Variants in CNTN6 observed in about 807,000 individuals in gnomAD.
CNTN6 encodes contactin-6.
Under a neutral mutation model 122.8 loss-of-function variants are expected in CNTN6, and 137 were observed. The ratio of observed to expected loss-of-function variants is 1.12; its 90% CI spans 0.97 to 1.29. CNTN6 has a LOEUF of 1.29. Ranked by LOEUF, CNTN6 falls within the 50% of genes most tolerant of loss-of-function variation. The pLI is 0.00. For missense variants in CNTN6, 1,634 were observed against 1,223.4 expected (o/e 1.34, Z -5.01); for synonymous variants, 570 against 426.0 (o/e 1.34, Z -4.16).
At chr3:1,270,260 T>C (rs2095001424) in intron 4 of CNTN6, among the ~76,000 whole-genome samples, 1 of 152,086 alleles carries the variant, frequency 6.6e-6, no homozygotes. Flanking sequence ...ACAAAATCAC[T>C]CAAGAAATAG....
At chr3:1,264,848 C>T (rs909149986) in intron 4 of CNTN6, among the ~76,000 whole-genome samples, 3 of 152,046 alleles carry the variant, frequency 2.0e-5, no homozygotes, top group Admixed American at 1.3e-4. Context: ...GTTTGACTAA[C>T]ATTTCCCCAT....
chr3:1,337,963 G>A (rs1703309265), intron 11 of CNTN6, among the ~76,000 whole-genome samples: 1 of 152,018 alleles, frequency 6.6e-6, no homozygotes, highest in African/African-American at 2.4e-5. Flanking sequence ...CACAGTGCCT[G>A]CAGAACCACC....
chr3:1,204,802 T>C (rs1499095), intron 2 of CNTN6, among the ~76,000 whole-genome samples: 110,191 of 152,006 alleles, frequency 0.72, 41,605 homozygotes, highest in African/African-American at 0.93. Context: ...CATGTGTAAC[T>C]AATATAACTC....
chr3:1,281,981 T>TACACACAC (rs1371153437), intron 5 of CNTN6, among the ~76,000 whole-genome samples: 10 of 99,500 alleles, frequency 1.0e-4, no homozygotes, highest in African/African-American at 4.4e-4. Context: ...TATATATAGG[T>TACACACAC]ATACACACAC....
chr3:1,268,712 C>T (rs2094971108), intron 4 of CNTN6, among the ~76,000 whole-genome samples: 1 of 151,648 alleles, frequency 6.6e-6, no homozygotes, highest in Non-Finnish European at 1.5e-5. Context: ...CATTCATGAG[C>T]ATTTAAGCTG....
At chr3:1,199,473 C>G (rs779124443) in intron 2 of CNTN6, among the ~76,000 whole-genome samples, 13 of 152,086 alleles carry the variant, frequency 8.5e-5, no homozygotes, top group Non-Finnish European at 1.9e-4. Flanking sequence ...AGCCACCACA[C>G]CCAGCCAAAT....
At chr3:1,160,606 G>C (rs2093109138) in intron 2 of CNTN6, among the ~76,000 whole-genome samples, 1 of 149,430 alleles carries the variant, frequency 6.7e-6, no homozygotes, top group Non-Finnish European at 1.5e-5. Flanking sequence ...CTAAGCAAAT[G>C]ATTCTAGTAT....
In CNTN6 at chr3:1,383,142, G is replaced by C. The variant is rs1692189951; in HGVS notation, c.2367G>C (p.Leu789=). Residue 789 remains leucine, a synonymous_variant, in exon 18 of 23, where the codon CTG becomes CTC. Coordinates refer to ENST00000446702, the MANE Select transcript of CNTN6 (RefSeq NM_001289080.2). ...GVYNNEGEGS[L]STVTIVYSGE... is the part of the protein sequence containing the mutation. Reference sequence around the variant, plus strand: ...ATAATAATGAAGGAGAAGGATCCCTGAGTACTGTGACCATTGTCTACTCTG... The same window carrying C: ...ATAATAATGAAGGAGAAGGATCCCTCAGTACTGTGACCATTGTCTACTCTG... 5 of 1,613,984 alleles carry C rather than the reference G, an allele frequency of 3.1e-6. No homozygotes were observed. The highest frequency in any genetic ancestry group is 4.2e-6 in the Non-Finnish European group (5 of 1,179,894).
intron 11 of CNTN6, among the ~76,000 whole-genome samples, chr3:1,339,230 T>C (rs1043005699): frequency 1.3e-5 from 2 of 152,072 alleles, no homozygotes; most frequent in Non-Finnish European, 2.9e-5. Flanking sequence ...AGAACCCCAC[T>C]CAATGCCCTC....
rs143305552 is a variant in CNTN6, at chr3:1,357,138, T to C, written c.1492+4687T>C. Among the ~76,000 whole-genome samples the C allele has an allele frequency of 9.3e-3, 1,411 of 152,030 alleles. 15 individuals are homozygous for C. Among genetic ancestry groups the C allele is most frequent in the Non-Finnish European group, 0.014 (984 of 67,902 alleles). On this transcript the variant is annotated intron_variant, in intron 12 of 22. Coordinates refer to ENST00000446702, the MANE Select transcript of CNTN6 (RefSeq NM_001289080.2). ...GTAAAGGATAGATGTTAATACAGCA[T>C]AGGTTTTACCACTTTTTTCAAGATA...
At chr3:1,347,945 T>C (rs1296800730) in intron 11 of CNTN6, among the ~76,000 whole-genome samples, 1 of 151,790 alleles carries the variant, frequency 6.6e-6, no homozygotes, top group East Asian at 1.9e-4. Flanking sequence ...CAAAATGCAG[T>C]GTGATAAAAC....
At chr3:1,149,792 C>T (rs963602298) in intron 2 of CNTN6, among the ~76,000 whole-genome samples, 1 of 152,128 alleles carries the variant, frequency 6.6e-6, no homozygotes, top group Non-Finnish European at 1.5e-5. Flanking sequence ...GTTTCATCTT[C>T]CTGTCAAAAT....
intron 2 of CNTN6, among the ~76,000 whole-genome samples, chr3:1,199,517 G>A (rs1176874404): frequency 6.6e-6 from 1 of 151,888 alleles, no homozygotes; most frequent in Non-Finnish European, 1.5e-5. Flanking sequence ...TGCCAAAATT[G>A]GTTGCAGCAG....
intron 1 of CNTN6, among the ~76,000 whole-genome samples, chr3:1,096,637 C>T (rs548700871): frequency 6.6e-6 from 1 of 152,308 alleles, no homozygotes; most frequent in South Asian, 2.1e-4. Context: ...GCACAACCTT[C>T]TGTATTGTGA....
rs1438401552 is a variant in CNTN6, at chr3:1,383,329, G to C, written c.2438G>C (p.Ser813Thr). 1.9e-6 allele frequency: 3 copies of C among 1,614,042 alleles called. No individual in the cohort carries two copies. The highest frequency in any genetic ancestry group is 1.6e-4 in the Middle Eastern group (1 of 6,062). Reference sequence around the variant, plus strand: ...GCCCCAAGGGGAACTTCTCTCCAGAGTTTTTCTGCTTCTGAAATGGAGGTT... The same window carrying C: ...GCCCCAAGGGGAACTTCTCTCCAGACTTTTTCTGCTTCTGAAATGGAGGTT... ...QLAPRGTSLQ[S>T]FSASEMEVSW... Residue 813 changes from serine (S) to threonine (T), a missense_variant, in exon 19 of 23, where the codon AGT becomes ACT. Ser to Thr is a moderately conservative substitution (Grantham distance 58, BLOSUM62 1). Coordinates refer to ENST00000446702, the MANE Select transcript of CNTN6 (RefSeq NM_001289080.2).
In CNTN6 at chr3:1,344,331, T is replaced by C. The variant is rs577551275; in HGVS notation, c.1365-7993T>C. Among the ~76,000 whole-genome samples, 204 of 152,266 alleles carry C rather than the reference T, an allele frequency of 1.3e-3. 1 individual carries two copies. The highest frequency in any genetic ancestry group is 3.2e-3 in the Admixed American group (49 of 15,286). ...TAGCTTGACATCGTAGGTTGTCAGC[T>C]ACATAGGTTGCTTCCAGACAGGCTG... is the stretch of plus-strand genomic sequence containing the variant. On this transcript the variant is annotated intron_variant, in intron 11 of 22. Coordinates refer to ENST00000446702, the MANE Select transcript of CNTN6 (RefSeq NM_001289080.2).
chr3:1,222,180 A>C (rs1298901248), intron 3 of CNTN6, among the ~76,000 whole-genome samples: 2 of 152,154 alleles, frequency 1.3e-5, no homozygotes, highest in Non-Finnish European at 2.9e-5. Flanking sequence ...AAACCAGTGA[A>C]ACTCATCTGT....
Position 1,227,975 on chromosome 3 carries a change from G to T in CNTN6, c.340G>T (p.Ala114Ser). The change falls in exon 4 of 23, where the codon GCA becomes TCA. Residue 114 changes from alanine (A) to serine (S), a missense_variant. By Grantham distance (99) the Ala-to-Ser change is moderately conservative (BLOSUM62 1). Coordinates refer to ENST00000446702, the MANE Select transcript of CNTN6 (RefSeq NM_001289080.2). ...TCTGGGGACAATTCTGAGTCGGAAGGCAAAGCTCCAATTTGCATGTGAGTT... is the reference window on the plus strand; with the variant it reads ...TCTGGGGACAATTCTGAGTCGGAAGTCAAAGCTCCAATTTGCATGTGAGTT... ...NLLGTILSRKAKLQFAYIEDF... is the reference protein window; with the variant it reads ...NLLGTILSRKSKLQFAYIEDF... 6.2e-7 allele frequency: 1 copy of T among 1,613,052 alleles called. No homozygotes were observed. Among genetic ancestry groups the T allele is most frequent in the Non-Finnish European group, 8.5e-7 (1 of 1,179,654 alleles).
chr3:1,398,494 A>T (rs1695263738), intron 20 of CNTN6, among the ~76,000 whole-genome samples: 1 of 152,164 alleles, frequency 6.6e-6, no homozygotes, highest in Admixed American at 6.6e-5. Context: ...CACTAATTGT[A>T]TCTAAGAAGT....
Sources: allele counts gnomAD v4.1 joint callset (sites outside exome capture counted in the v4.1 genomes callset), GRCh38; gene constraint gnomAD v4.1.1; transcripts MANE v1.5; gene names NCBI Gene and HGNC (gene_info 2026-07-23, HGNC 2026-07-21).